MGST2: variants seen among roughly 807,000 people sequenced by gnomAD.
MGST2 encodes microsomal glutathione S-transferase 2, also known as glutathione peroxidase MGST2.
Under a neutral mutation model 16.6 loss-of-function variants are expected in MGST2, and 9 were observed. That is an observed-to-expected ratio of 0.54 (90% confidence interval 0.33 to 0.95). MGST2 has a LOEUF of 0.95. MGST2 is among the 40% of genes least tolerant of loss of function. The probability of loss-of-function intolerance (pLI) is 0.03; values close to 1 mark genes in which losing one functional copy is unlikely to be tolerated. For synonymous variants in MGST2, 79 were observed against 68.0 expected (o/e 1.16, Z -0.79); for missense variants, 159 against 175.1 (o/e 0.91, Z 0.52).
At chr4:139,677,961 G>A (rs1177212570) in intron 1 of MGST2, among the ~76,000 whole-genome samples, 3 of 152,192 alleles carry the variant, frequency 2.0e-5, no homozygotes, top group African/African-American at 7.2e-5. Flanking sequence ...GCCTGCTGGA[G>A]TTCTCAGCTT....
chr4:139,750,360 C>T, the MGST2 span, among the ~76,000 whole-genome samples: 4 of 152,276 alleles, frequency 2.6e-5, no homozygotes, highest in South Asian at 2.1e-4. Context: ...GAAAGAGAGG[C>T]CTCCTAGGCG....
downstream of MGST2, among the ~76,000 whole-genome samples, chr4:139,741,040 G>A (rs1729148641): frequency 6.6e-6 from 1 of 152,194 alleles, no homozygotes. Flanking sequence ...ACTATGTGAT[G>A]CTGAGGCTCT....
rs774495519 is a variant in MGST2, at chr4:139,678,592, G to T, written c.108G>T (p.Thr36=). The part of the protein sequence containing the change: ...VGKARLKYKV[T]PPAVTGSPEF... ...AGGCAAGATTAAAATACAAAGTTAC[G>T]CCCCCAGCAGTCACTGGGTCACCAG... Residue 36 remains threonine, a synonymous_variant, in exon 2 of 5, where the codon ACG becomes ACT. Coordinates refer to ENST00000265498, the MANE Select transcript of MGST2 (RefSeq NM_002413.5). 14 of 1,613,874 alleles carry T rather than the reference G, an allele frequency of 8.7e-6. No individual in the cohort carries two copies. The Admixed American group carries it at 2.2e-4, about 25-fold the overall frequency.
intron 2 of MGST2, among the ~76,000 whole-genome samples, chr4:139,680,677 TAA>T (rs1731196432): frequency 6.6e-6 from 1 of 152,188 alleles, no homozygotes; most frequent in African/African-American, 2.4e-5. Flanking sequence ...GAATGTTTGG[TAA>T]AGTTTTGAGA....
chr4:139,687,472 GT>G (rs994485916), intron 2 of MGST2, among the ~76,000 whole-genome samples: 1 of 152,128 alleles, frequency 6.6e-6, no homozygotes, highest in Non-Finnish European at 1.5e-5. Flanking sequence ...TTGGTTATCT[GT>G]TTTTTTCCCT....
rs184412873 is a variant in MGST2 at position 139,715,684 on chromosome 4, T to G, written c.*48+11488T>G. ...CCCTTTTTAGACCATATAGGGTAAC[T>G]TCCTGACCTTGCCATGGCATTTGTA... On this transcript the variant is annotated intron_variant, in intron 5 of 5. Transcript: ENST00000616265. This position sits in a 1 kb window ranked among gnomAD's most constrained non-coding sequence, Gnocchi z 4.4. Among the ~76,000 whole-genome samples, 1 of 152,194 alleles carries G rather than the reference T, an allele frequency of 6.6e-6. No homozygotes were observed. Among genetic ancestry groups the G allele is most frequent in the African/African-American group, 2.4e-5 (1 of 41,448 alleles).
chr4:139,691,684 T>A (rs987135136), intron 2 of MGST2, among the ~76,000 whole-genome samples: 40 of 140,540 alleles, frequency 2.8e-4, no homozygotes, highest in Non-Finnish European at 4.9e-4. Context: ...ATGATGATGA[T>A]GATGATGATG....
Position 139,703,482 on chromosome 4 carries a change from A to T in MGST2, c.257A>T (p.Tyr86Phe), listed in dbSNP as rs753534184. The change falls in exon 4 of 5, where the codon TAC becomes TTC. Residue 86 changes from tyrosine (Y) to phenylalanine (F), a missense_variant. Tyr to Phe is a conservative substitution (Grantham distance 22). Transcript: ENST00000265498. ...TTTGCTACTTGTCTGGGTCTGGTGT[A>T]CATATATGGCCGTCACCTATACTTC... is the stretch of plus-strand genomic sequence containing the variant. ...QVFATCLGLV[Y>F]IYGRHLYFWG... The T allele has an allele frequency of 1.9e-6, 3 of 1,613,742 alleles. No homozygotes were observed. Among genetic ancestry groups the T allele is most frequent in the Non-Finnish European group, 2.5e-6 (3 of 1,179,920 alleles).
intron 2 of MGST2, among the ~76,000 whole-genome samples, chr4:139,680,623 CT>C (rs35174024): frequency 0.25 from 37,408 of 151,918 alleles, 5,172 homozygotes; most frequent in African/African-American, 0.36. Context: ...TTTTCTCTCT[CT>C]TTTTAGTGGA....
chr4:139,741,629 C>A (rs1729167485), downstream of MGST2, among the ~76,000 whole-genome samples: 1 of 152,036 alleles, frequency 6.6e-6, no homozygotes, highest in Non-Finnish European at 1.5e-5. Context: ...CACCTGTAGT[C>A]CCAATTACTC....
At chr4:139,669,081 T>C (rs1237552077) in intron 1 of MGST2, among the ~76,000 whole-genome samples, 1 of 152,152 alleles carries the variant, frequency 6.6e-6, no homozygotes, top group African/African-American at 2.4e-5. Flanking sequence ...TGCTGGTCAG[T>C]TATGCCTGAA....
downstream of MGST2, among the ~76,000 whole-genome samples, chr4:139,744,136 C>T (rs1729251645): frequency 6.6e-6 from 1 of 152,188 alleles, no homozygotes; most frequent in African/African-American, 2.4e-5. Context: ...TACTCTGATT[C>T]ACCTTCTGCT....
chr4:139,725,924 G>C, intron 5 of MGST2: 1 of 1,083,760 alleles, frequency 9.2e-7, no homozygotes, highest in South Asian at 1.3e-5. Flanking sequence ...GGAAGGTAGT[G>C]TTTTCCCCAA....
chr4:139,717,973 C>G (rs572607994), intron 5 of MGST2: 1 of 152,328 alleles, frequency 6.6e-6, no homozygotes, highest in South Asian at 2.1e-4. Context: ...AACTACATCT[C>G]CTTTCTATCC....
chr4:139,724,951 G>A (rs1728405599), intron 5 of MGST2, among the ~76,000 whole-genome samples: 1 of 152,038 alleles, frequency 6.6e-6, no homozygotes, highest in Admixed American at 6.5e-5. Context: ...GAGAGACAGG[G>A]TTTTGCTATG....
chr4:139,685,510 G>A (rs1413875980), intron 2 of MGST2: 1 of 151,860 alleles, frequency 6.6e-6, no homozygotes, highest in African/African-American at 2.4e-5. Flanking sequence ...TAGCATTTTA[G>A]TGAAGCTTCA....
chr4:139,727,336 A>C (rs535993386), intron 5 of MGST2, among the ~76,000 whole-genome samples: 2 of 152,368 alleles, frequency 1.3e-5, no homozygotes, highest in South Asian at 4.1e-4. Flanking sequence ...CAGCAATAGA[A>C]GGGCATTACT....
At chr4:139,742,242 G>A (rs564739215), downstream of MGST2, among the ~76,000 whole-genome samples, 7 of 151,494 alleles carry the variant, frequency 4.6e-5, no homozygotes, top group Admixed American at 2.0e-4. Context: ...TCCGCCTCCC[G>A]GGCTCAAGCA....
At chr4:139,723,270 T>C (rs1348354913) in intron 5 of MGST2, among the ~76,000 whole-genome samples, 1 of 152,200 alleles carries the variant, frequency 6.6e-6, no homozygotes, top group African/African-American at 2.4e-5. Context: ...CATCTCTGGA[T>C]GGTGGGATTT....
Sources: gnomAD v4.1 joint callset for allele counts (sites outside exome capture counted in the v4.1 genomes callset) on GRCh38, gnomAD v4.1.1 for gene constraint, Gnocchi (gnomAD v3.1) non-coding constraint, MANE v1.5 for transcripts, NCBI Gene and HGNC (gene_info 2026-07-23, HGNC 2026-07-21) for gene names.